The following PHF19 variants were observed in gnomAD, a reference collection of about 807,000 sequenced individuals.
The protein encoded by PHF19 is polycomb like 3.
Under a neutral mutation model 79.8 loss-of-function variants are expected in PHF19, and 21 were observed. The ratio of observed to expected loss-of-function variants is 0.26; its 90% CI spans 0.19 to 0.38. The LOEUF (loss-of-function observed/expected upper bound fraction) is 0.38, where lower values mean the gene tolerates loss of function less well. PHF19 is among the 10% of genes least tolerant of loss of function. PHF19 has a pLI of 1.00. For missense variants in PHF19, 445 were observed against 744.2 expected (o/e 0.60, Z 4.68); for synonymous variants, 273 against 296.3 (o/e 0.92, Z 0.81).
rs566573339 is a variant in PHF19, at chr9:120,870,841, C to T, written c.269-303G>A. On this transcript the variant is annotated intron_variant, in intron 3 of 14. Transcript: ENST00000373896. The surrounding 1 kb of genome is among the most constrained non-coding windows in gnomAD (Gnocchi z 4.4). ...TTGACACATCATGCTGCCTCTCCCGCCTTATTTAACTTGTTTTGTTAAATG... is the reference window on the plus strand; with the variant it reads ...TTGACACATCATGCTGCCTCTCCCGTCTTATTTAACTTGTTTTGTTAAATG... 1.3e-4 allele frequency among the ~76,000 whole-genome samples: 20 copies of T among 152,274 alleles called. No homozygotes were observed. The highest frequency in any genetic ancestry group is 3.4e-3 in the Middle Eastern group (1 of 294).
intron 3 of PHF19, among the ~76,000 whole-genome samples, chr9:120,873,410 T>C (rs529260761): frequency 6.6e-6 from 1 of 152,288 alleles, no homozygotes; most frequent in South Asian, 2.1e-4. Flanking sequence ...CCAACCCAGA[T>C]TCATTTCAGC....
At chr9:120,883,503 A>T (rs1247225282) in intron 1 of PHF19, among the ~76,000 whole-genome samples, 1 of 152,176 alleles carries the variant, frequency 6.6e-6, no homozygotes, top group Non-Finnish European at 1.5e-5. Context: ...TCATGCCTGA[A>T]ATCCCAGCAC....
chr9:120,889,140 A>G (rs1420709864), intron 1 of PHF19, among the ~76,000 whole-genome samples: 1 of 152,168 alleles, frequency 6.6e-6, no homozygotes, highest in East Asian at 1.9e-4. Context: ...GGCCAATAAC[A>G]GATGAGGCCA....
chr9:120,896,059 C>A (rs935428903), upstream of PHF19, among the ~76,000 whole-genome samples: 4 of 152,044 alleles, frequency 2.6e-5, no homozygotes, highest in African/African-American at 9.7e-5. Context: ...GCCATGTGAC[C>A]CTGAAGAGTG....
In PHF19 at chr9:120,866,822, C is replaced by A; in HGVS notation, c.710+48G>T. On this transcript the variant is annotated intron_variant, in intron 7 of 14. Coordinates refer to ENST00000373896, the MANE Select transcript of PHF19 (RefSeq NM_015651.3). The surrounding 1 kb of genome is among the most constrained non-coding windows in gnomAD (Gnocchi z 5.2). ...CAGGAGTTGTTGCTGCCATCCCTGC[C>A]CTCTCCCCACCACGCCCAAGGCCCA... The A allele has an allele frequency of 9.8e-7, 1 of 1,020,294 alleles. No homozygotes were observed. The highest frequency in any genetic ancestry group is 1.6e-6 in the Non-Finnish European group (1 of 638,762). The allele number at this position is 1,020,294 out of a possible 1,614,324, so 63.2% of individuals were successfully genotyped here.
At chr9:120,897,676 C>G (rs137955197), upstream of PHF19, among the ~76,000 whole-genome samples, 2 of 151,968 alleles carry the variant, frequency 1.3e-5, no homozygotes, top group East Asian at 3.9e-4. Context: ...TATAAAAATA[C>G]GAATGAAATA....
intron 1 of PHF19, among the ~76,000 whole-genome samples, chr9:120,888,017 G>C (rs978240100): frequency 2.0e-5 from 3 of 152,212 alleles, no homozygotes; most frequent in Non-Finnish European, 4.4e-5. Flanking sequence ...CTGTCGCCCA[G>C]ACTGGAGTGC....
chr9:120,902,539 A>T, the PHF19 span: 1 of 151,004 alleles, frequency 6.6e-6, no homozygotes, highest in African/African-American at 2.4e-5. Context: ...GCACTGCTGC[A>T]TCTGATGCTG....
chr9:120,869,520 G>C lies in PHF19; in HGVS notation c.466-190C>G. The C allele has an allele frequency of 1.4e-6, 2 of 1,388,274 alleles. No individual in the cohort carries two copies. The highest frequency in any genetic ancestry group is 1.9e-6 in the Non-Finnish European group (2 of 1,052,536). The allele number at this position is 1,388,274 out of a possible 1,614,324, so 86.0% of individuals were successfully genotyped here. On this transcript the variant is annotated intron_variant, in intron 5 of 14. Transcript: ENST00000373896. The surrounding 1 kb of genome is among the most constrained non-coding windows in gnomAD (Gnocchi z 5.8). The stretch of plus-strand genomic sequence containing the variant: ...TCCCCTCTATCCCAGAAGGAACTCC[G>C]TTGATAACAGAATTAAGAGTAATAA...
In PHF19 at chr9:120,869,603, T is replaced by G; in HGVS notation, c.465+242A>C. On this transcript the variant is annotated intron_variant, in intron 5 of 14. Coordinates refer to ENST00000373896, the MANE Select transcript of PHF19 (RefSeq NM_015651.3). This position sits in a 1 kb window ranked among gnomAD's most constrained non-coding sequence, Gnocchi z 5.8. ...TTACATGGATTTTCTTTTTTAATAGTAAAGCATCATTTATTGGTCCCGTTA... is the reference window on the plus strand; with the variant it reads ...TTACATGGATTTTCTTTTTTAATAGGAAAGCATCATTTATTGGTCCCGTTA... The G allele has an allele frequency of 1.3e-6, 2 of 1,492,280 alleles. No individual in the cohort carries two copies. Among genetic ancestry groups the G allele is most frequent in the Non-Finnish European group, 1.8e-6 (2 of 1,119,846 alleles). 92.4% of individuals were successfully genotyped at this position (1,492,280 alleles called of 1,614,324 possible).
chr9:120,874,604 CACATA>C lies in PHF19; in HGVS notation c.133_137del (p.Tyr45AlafsTer21). 1 of 1,613,950 alleles carries C rather than the reference CACATA, an allele frequency of 6.2e-7. No individual in the cohort carries two copies. The highest frequency in any genetic ancestry group is 8.5e-7 in the Non-Finnish European group (1 of 1,179,796). ...ACAGGCCATCTGTCCACCGGCACAG[CACATA>C]CTGGCCCTCCGTCAGTTTGGACATC... On this transcript the variant is annotated frameshift_variant, in exon 2 of 15. Coordinates refer to ENST00000373896, the MANE Select transcript of PHF19 (RefSeq NM_015651.3). LOFTEE classifies it high-confidence loss of function. This position sits in a 1 kb window ranked among gnomAD's most constrained non-coding sequence, Gnocchi z 4.5.
chr9:120,859,068 G>A (rs1448848957), intron 14 of PHF19, among the ~76,000 whole-genome samples: 1 of 152,040 alleles, frequency 6.6e-6, no homozygotes, highest in Non-Finnish European at 1.5e-5. Flanking sequence ...GCAGTGAGCT[G>A]AGATCATGCC....
At chr9:120,858,821 A>ACACTCT (rs751672106) in intron 14 of PHF19, among the ~76,000 whole-genome samples, 2 of 149,710 alleles carry the variant, frequency 1.3e-5, no homozygotes, top group Non-Finnish European at 3.0e-5. Flanking sequence ...TCACACACAC[A>ACACTCT]CACACACACA....
Position 120,862,604 on chromosome 9 carries a change from C to T in PHF19, c.1114G>A (p.Gly372Arg), listed in dbSNP as rs745600026. ...AGCACTGACCCAGGCTTGCTCTTTC[C>T]TCTCTTACGCAGCTCAGAGGAGGCG... is the stretch of plus-strand genomic sequence containing the variant. ...NSASSELRKR[G>R]KSKPGLLPHE... Residue 372 changes from glycine (G) to arginine (R), a missense_variant, in exon 11 of 15, where the codon GGA (glycine) becomes AGA (arginine). Gly to Arg is a moderately radical substitution (Grantham distance 125). Transcript: ENST00000373896. This position sits in a 1 kb window ranked among gnomAD's most constrained non-coding sequence, Gnocchi z 4.6. 6.2e-7 allele frequency: 1 copy of T among 1,613,808 alleles called. No homozygotes were observed. The highest frequency in any genetic ancestry group is 1.7e-5 in the Admixed American group (1 of 60,032).
At chr9:120,896,904 G>A (rs919386686), upstream of PHF19, among the ~76,000 whole-genome samples, 1 of 152,018 alleles carries the variant, frequency 6.6e-6, no homozygotes, top group Non-Finnish European at 1.5e-5. Context: ...GGTATAACAC[G>A]CCCCCACTGA....
chr9:120,877,732 A>G (rs2046109795), upstream of PHF19, among the ~76,000 whole-genome samples: 1 of 152,178 alleles, frequency 6.6e-6, no homozygotes, highest in Non-Finnish European at 1.5e-5. Context: ...CGGCACAGAG[A>G]CACAGCACAA....
intron 6 of PHF19, among the ~76,000 whole-genome samples, chr9:120,868,093 G>C (rs1328710585): frequency 1.3e-5 from 2 of 150,728 alleles, no homozygotes; most frequent in African/African-American, 4.9e-5. Flanking sequence ...TTTGGAGACA[G>C]GGTCGTCCTG....
chr9:120,896,361 A>G (rs1548783), upstream of PHF19, among the ~76,000 whole-genome samples: 103,961 of 151,408 alleles, frequency 0.69, 35,980 homozygotes, highest in South Asian at 0.82. Flanking sequence ...GATGAGGCAC[A>G]GATTAGAACC....
chr9:120,881,158 T>G (rs559662547), upstream of PHF19, among the ~76,000 whole-genome samples: 94 of 150,240 alleles, frequency 6.3e-4, no homozygotes, highest in African/African-American at 1.9e-3. Context: ...TGTTTTTTTT[T>G]TTTTTTTTTG....
Sources: gnomAD v4.1 joint callset for allele counts (sites outside exome capture counted in the v4.1 genomes callset) on GRCh38, gnomAD v4.1.1 for gene constraint, Gnocchi (gnomAD v3.1) non-coding constraint, MANE v1.5 for transcripts, NCBI Gene and HGNC (gene_info 2026-07-23, HGNC 2026-07-21) for gene names.